PTBP3: variants seen among roughly 807,000 people sequenced by gnomAD.
PTBP3 encodes polypyrimidine tract binding protein 3, also known as polypyrimidine tract-binding protein 3.
PTBP3 carries 20 observed loss-of-function variants against 58.7 expected under a neutral mutation model. The observed-to-expected ratio is 0.34, with a 90% confidence interval of 0.24 to 0.50. PTBP3 has a LOEUF of 0.50. Among genes scored for constraint, PTBP3 ranks in the 20% least tolerant of loss-of-function variants. The pLI is 0.98. For synonymous variants in PTBP3, 185 were observed against 219.8 expected (o/e 0.84, Z 1.40); for missense variants, 509 against 637.2 (o/e 0.80, Z 2.17).
At chr9:112,234,158 A>C (rs1835357810) in intron 8 of PTBP3, among the ~76,000 whole-genome samples, 1 of 152,174 alleles carries the variant, frequency 6.6e-6, no homozygotes, top group Non-Finnish European at 1.5e-5. Context: ...TAAAACCATA[A>C]AGTAACATTT....
intron 1 of PTBP3, among the ~76,000 whole-genome samples, chr9:112,320,813 A>G (rs920426686): frequency 6.6e-6 from 1 of 152,176 alleles, no homozygotes; most frequent in African/African-American, 2.4e-5. Context: ...TTTTCAACAA[A>G]TGGTGCCGAA....
At chr9:112,229,062 G>A (rs1049467199) in intron 10 of PTBP3, among the ~76,000 whole-genome samples, 3 of 152,024 alleles carry the variant, frequency 2.0e-5, no homozygotes, top group African/African-American at 4.8e-5. Flanking sequence ...ACTGGGGTAT[G>A]GAAAGATAAT....
At chr9:112,335,573 C>T (rs1324883101), upstream of PTBP3, among the ~76,000 whole-genome samples, 3 of 148,314 alleles carry the variant, frequency 2.0e-5, no homozygotes, top group African/African-American at 5.0e-5. Context: ...TGTGAGCCAC[C>T]GCACCCAGCG....
intron 2 of PTBP3, among the ~76,000 whole-genome samples, chr9:112,289,791 A>G (rs1589872302): frequency 2.0e-5 from 3 of 151,914 alleles, no homozygotes; most frequent in East Asian, 1.9e-4. Context: ...GTGTGTGTGT[A>G]TATATACATA....
At chr9:112,369,431 A>G in the PTBP3 span, among the ~76,000 whole-genome samples, 2 of 152,240 alleles carry the variant, frequency 1.3e-5, no homozygotes, top group South Asian at 4.1e-4. Context: ...GATGTGAGAC[A>G]CGGAGTCAAA....
At chr9:112,355,881 T>C in the PTBP3 span, among the ~76,000 whole-genome samples, 1 of 152,190 alleles carries the variant, frequency 6.6e-6, no homozygotes, top group Admixed American at 6.5e-5. Flanking sequence ...GCTCACAAAG[T>C]GCTGGGAATA....
At chr9:112,291,908 A>G (rs971468332) in intron 2 of PTBP3, among the ~76,000 whole-genome samples, 6 of 152,210 alleles carry the variant, frequency 3.9e-5, no homozygotes, top group African/African-American at 1.2e-4. Flanking sequence ...AGCAACGGAA[A>G]TAACAGAGTA....
At chr9:112,227,928 A>C (rs1463606283) in intron 11 of PTBP3, among the ~76,000 whole-genome samples, 2 of 152,196 alleles carry the variant, frequency 1.3e-5, no homozygotes, top group African/African-American at 4.8e-5. Flanking sequence ...TATTAGTTTT[A>C]TCTCAAGCAA....
the PTBP3 span, among the ~76,000 whole-genome samples, chr9:112,350,682 GTCTC>G: frequency 7.3e-3 from 1,102 of 151,924 alleles, 12 homozygotes; most frequent in African/African-American, 0.025. Context: ...CTCACACTCT[GTCTC>G]TCTCTCTCTT....
In PTBP3 at chr9:112,256,272, A is replaced by AAT. The variant is rs1186696553; in HGVS notation, c.517-3486_517-3485dup. 0.012 allele frequency among the ~76,000 whole-genome samples: 985 copies of AAT among 82,868 alleles called. 57 individuals carry two copies. The East Asian group carries it at 0.16, about 14-fold the overall frequency. 54.4% of individuals were successfully genotyped at this position (82,868 alleles called of 152,430 possible). A position where few individuals can be genotyped will look rare whatever the true frequency, so the allele number is the denominator to read the frequency against. The stretch of plus-strand genomic sequence containing the variant: ...TCCGTCTCAAAAAAAAAAAAAACAA[A>AAT]ATATATATATATATATATATACATA... On this transcript the variant is annotated intron_variant, in intron 5 of 13. Transcript: ENST00000374257.
rs764797737 is a variant in PTBP3 at position 112,224,209 on chromosome 9, G to A, written c.1366C>T (p.Pro456Ser). Residue 456 changes from proline (P) to serine (S), a missense_variant and splice_region_variant, in exon 13 of 14, where the codon CCT (proline) becomes TCT (serine). Pro to Ser is a moderately conservative substitution (Grantham distance 74). This residue lies in a region of PTBP3 where 135 missense variants were observed against 229.0 expected (regional missense o/e 0.59). Coordinates refer to ENST00000374257, the MANE Select transcript of PTBP3 (RefSeq NM_001163788.4). The part of the protein sequence containing the change: ...SATLHLSNIP[P>S]SVTVDDLKNL... Reference sequence around the variant, plus strand: ...TTCAGATCATCCACTGTAACAGAAGGGCTGTGAAAACATCAGAGGGAGTCA... The same window carrying A: ...TTCAGATCATCCACTGTAACAGAAGAGCTGTGAAAACATCAGAGGGAGTCA... The A allele has an allele frequency of 1.3e-5, 20 of 1,534,952 alleles. No homozygotes were observed. The highest frequency in any genetic ancestry group is 1.1e-4 in the East Asian group (5 of 43,926).
intron 7 of PTBP3, among the ~76,000 whole-genome samples, chr9:112,235,688 T>A (rs1361396029): frequency 6.6e-6 from 1 of 152,154 alleles, no homozygotes; most frequent in Non-Finnish European, 1.5e-5. Context: ...AGTAAACACA[T>A]AAATTTGTGA....
chr9:112,253,418 G>A (rs913537649), intron 5 of PTBP3, among the ~76,000 whole-genome samples: 22 of 152,132 alleles, frequency 1.4e-4, no homozygotes, highest in Admixed American at 1.4e-3. Context: ...CTTTTGAGAA[G>A]AAAAGAGTGA....
chr9:112,275,419 G>A (rs1216210182), intron 3 of PTBP3, among the ~76,000 whole-genome samples: 2 of 152,168 alleles, frequency 1.3e-5, no homozygotes, highest in Admixed American at 6.5e-5. Context: ...ACAGGCGTGA[G>A]CCACTGCACC....
rs534807151 is a variant in PTBP3, at chr9:112,267,343, A to G, written c.351+706T>C. On this transcript the variant is annotated intron_variant, in intron 4 of 13. Coordinates refer to ENST00000374257, the MANE Select transcript of PTBP3 (RefSeq NM_001163788.4). ...ACCACGCCCGGCTAATTTTTTTTGT[A>G]TTTTTAGTACAGACGGGGTTTCACT... Among the ~76,000 whole-genome samples, 7 of 151,842 alleles carry G rather than the reference A, an allele frequency of 4.6e-5. No homozygotes were observed. In the South Asian group the frequency reaches 1.5e-3, roughly 32 times the overall value.
Position 112,333,600 on chromosome 9 carries a change from G to C in PTBP3, c.-182C>G. 1 of 1,214,542 alleles carries C rather than the reference G, an allele frequency of 8.2e-7. No homozygotes were observed. 75.2% of individuals were successfully genotyped at this position (1,214,542 alleles called of 1,614,324 possible). A position where few individuals can be genotyped will look rare whatever the true frequency, so the allele number is the denominator to read the frequency against. On this transcript the variant is annotated 5_prime_UTR_variant, in exon 1 of 14. Transcript: ENST00000374257. ...CTTTGGCTCTGCGGAGCCCCGGCCG[G>C]TCCGAGGTGGAAGGAGAGTGGGAAC...
At chr9:112,244,307 AGT>A (rs1835789031) in intron 7 of PTBP3, among the ~76,000 whole-genome samples, 5 of 144,596 alleles carry the variant, frequency 3.5e-5, no homozygotes, top group Non-Finnish European at 4.5e-5. Flanking sequence ...AAAAAAAAAA[AGT>A]TCTCAGGAAT....
chr9:112,359,267 C>A, the PTBP3 span, among the ~76,000 whole-genome samples: 1 of 151,158 alleles, frequency 6.6e-6, no homozygotes, highest in East Asian at 2.0e-4. Context: ...GTGGTGAAAC[C>A]CCATCTTTAC....
intron 5 of PTBP3, among the ~76,000 whole-genome samples, chr9:112,259,405 G>A (rs899566246): frequency 1.3e-5 from 2 of 152,086 alleles, no homozygotes; most frequent in Non-Finnish European, 1.5e-5. Flanking sequence ...ATGCCCTCTC[G>A]CATAGGGCTT....
Sources: allele counts gnomAD v4.1 joint callset (sites outside exome capture counted in the v4.1 genomes callset), GRCh38; gene constraint gnomAD v4.1.1; regional missense constraint gnomAD v4.1.1; transcripts MANE v1.5; gene names NCBI Gene and HGNC (gene_info 2026-07-23, HGNC 2026-07-21).